PCDHA13: variants seen among roughly 807,000 people sequenced by gnomAD.
PCDHA13 encodes protocadherin alpha 13, also known as protocadherin alpha-13.
In PCDHA13, 54 loss-of-function variants were observed where a neutral mutation model predicts 64.8. The ratio of observed to expected loss-of-function variants is 0.83; its 90% CI spans 0.67 to 1.04. PCDHA13 has a LOEUF of 1.04. Ranked by LOEUF, PCDHA13 falls within the 50% of genes least tolerant of loss-of-function variation. PCDHA13 has a pLI of 0.00. For synonymous variants in PCDHA13, 587 were observed against 564.4 expected (o/e 1.04, Z -0.57); for missense variants, 1,248 against 1,254.3 (o/e 0.99, Z 0.08).
chr5:140,909,164 A>T (rs2074347084), intron 1 of PCDHA13, among the ~76,000 whole-genome samples: 1 of 152,238 alleles, frequency 6.6e-6, no homozygotes, highest in South Asian at 2.1e-4. Context: ...AGGGAAAATC[A>T]ATCAAGTTCT....
chr5:140,883,676 C>T lies in PCDHA13; in HGVS notation c.1408C>T (p.Pro470Ser), dbSNP rs986680593. 6.2e-6 allele frequency: 10 copies of T among 1,613,792 alleles called. No homozygotes were observed. In the Admixed American group the frequency reaches 1.0e-4, roughly 16 times the overall value. The change falls in exon 1 of 4, where the codon CCG (proline) becomes TCG (serine). Residue 470 changes from proline to serine, a missense_variant. Pro to Ser is a moderately conservative substitution (Grantham distance 74). Transcript: ENST00000289272. Reference protein sequence around the residue: ...YTVFVKENNPPGCHIFTVSAQ... With the variant: ...YTVFVKENNPSGCHIFTVSAQ... Reference sequence around the variant, plus strand: ...GGTGTTCGTGAAGGAAAACAATCCGCCGGGCTGCCACATCTTCACGGTGTC... The same window carrying T: ...GGTGTTCGTGAAGGAAAACAATCCGTCGGGCTGCCACATCTTCACGGTGTC...
intron 1 of PCDHA13, among the ~76,000 whole-genome samples, chr5:140,957,475 A>G (rs2095362490): frequency 6.6e-6 from 1 of 152,192 alleles, no homozygotes; most frequent in Non-Finnish European, 1.5e-5. Flanking sequence ...ATGTATAGGA[A>G]AAAACATAGT....
intron 1 of PCDHA13, among the ~76,000 whole-genome samples, chr5:140,972,724 C>T (rs953044769): frequency 1.9e-4 from 27 of 140,890 alleles, no homozygotes; most frequent in Non-Finnish European, 3.3e-4. Context: ...AGTGCAGTGG[C>T]GTAATCCCGG....
At chr5:140,910,619 C>T (rs1554194336) in intron 1 of PCDHA13, among the ~76,000 whole-genome samples, 1 of 152,226 alleles carries the variant, frequency 6.6e-6, no homozygotes, top group Non-Finnish European at 1.5e-5. Context: ...TAATCCACTC[C>T]ACCATCCCAA....
intron 3 of PCDHA13, among the ~76,000 whole-genome samples, chr5:141,004,253 C>G (rs1460798910): frequency 6.6e-6 from 1 of 152,200 alleles, no homozygotes; most frequent in Non-Finnish European, 1.5e-5. Flanking sequence ...TTTTGTTTTA[C>G]TGGAATGAGT....
chr5:140,937,362 C>A lies in PCDHA13; in HGVS notation c.2395-41587C>A, dbSNP rs151333453. On this transcript the variant is annotated intron_variant, in intron 1 of 3. Coordinates refer to ENST00000289272, the MANE Select transcript of PCDHA13 (RefSeq NM_018904.3). ...TCTTCCATTTATTTTATTATTTTAT[C>A]TTAATGTTTATGTGTGTGTATGTGT... Among the ~76,000 whole-genome samples the A allele has an allele frequency of 4.1e-4, 62 of 152,138 alleles. No individual in the cohort carries two copies. In the East Asian group the frequency reaches 0.01, roughly 25 times the overall value.
chr5:140,998,755 A>G (rs940678929), intron 3 of PCDHA13, among the ~76,000 whole-genome samples: 2 of 152,062 alleles, frequency 1.3e-5, no homozygotes, highest in African/African-American at 4.8e-5. Flanking sequence ...GAAGAGACAC[A>G]GTTTCACTAT....
At chr5:140,966,838 G>A in intron 1 of PCDHA13, 1 of 1,566,774 alleles carries the variant, frequency 6.4e-7, no homozygotes, top group South Asian at 1.2e-5. Context: ...CCTGGCTGCT[G>A]CTACTGCCTC....
chr5:140,905,493 T>C (rs185992010), intron 1 of PCDHA13, among the ~76,000 whole-genome samples: 10 of 152,288 alleles, frequency 6.6e-5, no homozygotes, highest in Non-Finnish European at 1.5e-4. Context: ...CTTCTTTTTG[T>C]TTTGTATTGC....
chr5:141,010,226 C>G lies in PCDHA13; in HGVS notation c.*289C>G, dbSNP rs1386050566. The G allele has an allele frequency of 1.3e-6, 2 of 1,551,706 alleles. No individual in the cohort carries two copies. Among genetic ancestry groups the G allele is most frequent in the Non-Finnish European group, 1.7e-6 (2 of 1,147,032 alleles). ...CGCCGCAAAGGAGAGGCTTCCCAGC[C>G]CCGCCAGTGAGAGGTTGGACTCTCT... On this transcript the variant is annotated 3_prime_UTR_variant, in exon 4 of 4. Coordinates refer to ENST00000289272, the MANE Select transcript of PCDHA13 (RefSeq NM_018904.3).
chr5:140,997,781 C>T (rs1207024588), intron 3 of PCDHA13, among the ~76,000 whole-genome samples: 3 of 151,626 alleles, frequency 2.0e-5, no homozygotes, highest in African/African-American at 7.3e-5. Flanking sequence ...TGTTGTATAC[C>T]TATATTATAA....
intron 1 of PCDHA13, among the ~76,000 whole-genome samples, chr5:140,960,361 T>C (rs1262686301): frequency 2.6e-5 from 4 of 152,194 alleles, no homozygotes; most frequent in Non-Finnish European, 4.4e-5. Context: ...TGAAATAATA[T>C]GCCAACTCTT....
rs1053041034 is a variant in PCDHA13 at position 141,011,123 on chromosome 5, T to G, written c.*1186T>G. ...CTCTCTCTTTTCTAAGAAACAATTA[T>G]GTGCACTTTGATACACAACCTTCTC... is the stretch of plus-strand genomic sequence containing the variant. On this transcript the variant is annotated 3_prime_UTR_variant, in exon 4 of 4. Coordinates refer to ENST00000289272, the MANE Select transcript of PCDHA13 (RefSeq NM_018904.3). 3 of 153,884 alleles carry G rather than the reference T, an allele frequency of 1.9e-5. No homozygotes were observed. The Admixed American group carries it at 2.0e-4, about 10-fold the overall frequency. The allele number at this position is 153,884 out of a possible 1,614,324, so 9.5% of individuals were successfully genotyped here.
chr5:140,985,488 A>G (rs1554247116), intron 3 of PCDHA13, among the ~76,000 whole-genome samples: 1 of 152,156 alleles, frequency 6.6e-6, no homozygotes, highest in Non-Finnish European at 1.5e-5. Flanking sequence ...CCAGACTCAA[A>G]TAGAGCCTGC....
intron 3 of PCDHA13, among the ~76,000 whole-genome samples, chr5:141,004,888 G>C (rs555046086): frequency 2.0e-5 from 3 of 152,132 alleles, no homozygotes; most frequent in Admixed American, 6.5e-5. Flanking sequence ...GTGCTATTGT[G>C]TCAGCTCTGC....
intron 1 of PCDHA13, among the ~76,000 whole-genome samples, chr5:140,902,203 C>CTT (rs148688132): frequency 1.7e-4 from 21 of 124,438 alleles, no homozygotes; most frequent in East Asian, 4.4e-4. Context: ...CTCTCTCTTT[C>CTT]TTTTTTTTTT....
At position 140,929,210 on chromosome 5, in the gene PCDHA13, G is replaced by A. The variant is rs782078369; in HGVS notation, c.2394+44548G>A. The A allele has an allele frequency of 1.9e-6, 3 of 1,613,952 alleles. No individual in the cohort carries two copies. The South Asian group carries it at 3.3e-5, about 18-fold the overall frequency. The stretch of plus-strand genomic sequence containing the variant: ...GATAATAACAGTTTGCTGTTGCGTG[G>A]GGAGTACAATGCTGCCGACCTGCGA... On this transcript the variant is annotated intron_variant, in intron 1 of 3. Transcript: ENST00000289272.
At chr5:140,906,807 A>G (rs2072952420) in intron 1 of PCDHA13, among the ~76,000 whole-genome samples, 1 of 152,004 alleles carries the variant, frequency 6.6e-6, no homozygotes, top group African/African-American at 2.4e-5. Flanking sequence ...ACTCTTCCTT[A>G]CCTCCACTGT....
chr5:140,979,355 T>C (rs1437499560), intron 2 of PCDHA13, among the ~76,000 whole-genome samples: 6 of 152,206 alleles, frequency 3.9e-5, no homozygotes, highest in African/African-American at 1.4e-4. Flanking sequence ...TTAATACTCA[T>C]GCTTTGAGAC....
Sources: gnomAD v4.1 joint callset for allele counts (sites outside exome capture counted in the v4.1 genomes callset) on GRCh38, gnomAD v4.1.1 for gene constraint, MANE v1.5 for transcripts, NCBI Gene and HGNC (gene_info 2026-07-23, HGNC 2026-07-21) for gene names.